Variants in TTC29 observed in about 807,000 individuals in gnomAD.
TTC29 encodes tetratricopeptide repeat protein 29.
Under a neutral mutation model 58.1 loss-of-function variants are expected in TTC29, and 49 were observed. The observed-to-expected ratio is 0.84, with a 90% CI of 0.67 to 1.07. TTC29 has a LOEUF of 1.07. Ranked by LOEUF, TTC29 falls within the 50% of genes least tolerant of loss-of-function variation. TTC29 has a pLI of 0.00. For missense variants in TTC29, 582 were observed against 555.6 expected, an observed-to-expected ratio of 1.05 and a Z score of -0.48; for synonymous variants, 209 against 196.8, an observed-to-expected ratio of 1.06 and a Z score of -0.52.
At chr4:146,919,124 C>G (rs1051722830) in intron 4 of TTC29, among the ~76,000 whole-genome samples, 2 of 150,922 alleles carry the variant, frequency 1.3e-5, no homozygotes, top group African/African-American at 4.8e-5. Flanking sequence ...AAATTTTAAG[C>G]CAAAGATTCC....
intron 11 of TTC29, among the ~76,000 whole-genome samples, chr4:146,777,471 A>G (rs1260105538): frequency 6.6e-6 from 1 of 152,066 alleles, no homozygotes; most frequent in Non-Finnish European, 1.5e-5. Context: ...AAAAATGTCT[A>G]TGTTCTAATA....
At chr4:146,707,372 G>A in intron 12 of TTC29, 113 bp downstream of exon 12, 1 of 820,390 alleles carries the variant, frequency 1.2e-6, no homozygotes, top group Non-Finnish European at 1.9e-6. Context: ...TCACTATTAA[G>A]GTTATCAAGT....
intron 4 of TTC29, among the ~76,000 whole-genome samples, chr4:146,930,183 G>C (rs1162494851): frequency 7.1e-6 from 1 of 140,608 alleles, no homozygotes; most frequent in East Asian, 2.1e-4. Context: ...TATTTTAAAT[G>C]GTCTCAGAGA....
At chr4:146,818,143 G>T (rs1751549809) in intron 10 of TTC29, among the ~76,000 whole-genome samples, 1 of 152,124 alleles carries the variant, frequency 6.6e-6, no homozygotes, top group African/African-American at 2.4e-5. Flanking sequence ...AGAGTGAACA[G>T]GCAACCTACA....
chr4:146,944,703 T>C (rs1367214546), intron 2 of TTC29, among the ~76,000 whole-genome samples: 2 of 152,164 alleles, frequency 1.3e-5, no homozygotes, highest in Non-Finnish European at 1.5e-5. Context: ...AAGTAGGATT[T>C]TACTAAAAAT....
chr4:146,874,135 A>T (rs1731104373), intron 7 of TTC29, among the ~76,000 whole-genome samples: 1 of 152,148 alleles, frequency 6.6e-6, no homozygotes, highest in Non-Finnish European at 1.5e-5. Context: ...GTGTGCATAT[A>T]CATCACCTGG....
intron 11 of TTC29, among the ~76,000 whole-genome samples, chr4:146,760,352 A>G (rs532208092): frequency 1.2e-4 from 19 of 152,072 alleles, no homozygotes; most frequent in African/African-American, 4.6e-4. Context: ...TGTGAAAATG[A>G]CCATAATGCC....
intron 11 of TTC29, among the ~76,000 whole-genome samples, chr4:146,756,220 C>T (rs961299470): frequency 6.8e-6 from 1 of 146,044 alleles, no homozygotes; most frequent in African/African-American, 2.6e-5. Flanking sequence ...TTGCAGTGAG[C>T]AGATTGTACC....
intron 11 of TTC29, among the ~76,000 whole-genome samples, chr4:146,717,537 CA>C (rs1466921805): frequency 6.6e-6 from 1 of 152,136 alleles, no homozygotes; most frequent in Non-Finnish European, 1.5e-5. Context: ...CTCAGCCTCC[CA>C]AAGTGCTGGG....
At chr4:146,778,128 T>C (rs1748249620) in intron 11 of TTC29, among the ~76,000 whole-genome samples, 1 of 148,310 alleles carries the variant, frequency 6.7e-6, no homozygotes, top group South Asian at 2.1e-4. Flanking sequence ...CTTTGTGCTC[T>C]ATTTTATTTA....
At chr4:146,917,339 CAT>C (rs1734289058) in intron 4 of TTC29, among the ~76,000 whole-genome samples, 1 of 147,868 alleles carries the variant, frequency 6.8e-6, no homozygotes, top group South Asian at 2.1e-4. Flanking sequence ...TATAATTTAA[CAT>C]ATTTTAATTA....
intron 4 of TTC29, among the ~76,000 whole-genome samples, chr4:146,910,089 A>T (rs1733796438): frequency 1.3e-5 from 2 of 152,264 alleles, no homozygotes; most frequent in South Asian, 4.1e-4. Flanking sequence ...ATATAGCTTT[A>T]TACTAATTAT....
chr4:146,819,921 T>C (rs1751698603), intron 10 of TTC29, among the ~76,000 whole-genome samples: 1 of 152,152 alleles, frequency 6.6e-6, no homozygotes, highest in Non-Finnish European at 1.5e-5. Context: ...CGCATGGCCC[T>C]AAGATATTGG....
chr4:146,908,286 T>C (rs1398846533), intron 5 of TTC29, among the ~76,000 whole-genome samples: 1 of 152,208 alleles, frequency 6.6e-6, no homozygotes, highest in Non-Finnish European at 1.5e-5. Context: ...CAAATTTACA[T>C]GCCAAATTCT....
At chr4:146,859,761 G>C (rs1017020345) in intron 8 of TTC29, among the ~76,000 whole-genome samples, 5 of 152,032 alleles carry the variant, frequency 3.3e-5, no homozygotes, top group Non-Finnish European at 7.4e-5. Flanking sequence ...TAAAGATATG[G>C]GCTTCTGAAT....
intron 8 of TTC29, among the ~76,000 whole-genome samples, chr4:146,838,568 A>C (rs1728656648): frequency 6.6e-6 from 1 of 151,986 alleles, no homozygotes; most frequent in African/African-American, 2.4e-5. Flanking sequence ...TCAAGCACCC[A>C]GTTGTCTTTT....
chr4:146,788,804 AG>A (rs1749229242), intron 11 of TTC29, among the ~76,000 whole-genome samples: 1 of 152,182 alleles, frequency 6.6e-6, no homozygotes, highest in Non-Finnish European at 1.5e-5. Flanking sequence ...CATCGAAGGT[AG>A]GTTTCTTGGG....
intron 11 of TTC29, among the ~76,000 whole-genome samples, chr4:146,797,911 T>C (rs1376663048): frequency 6.7e-6 from 1 of 149,878 alleles, no homozygotes; most frequent in Non-Finnish European, 1.5e-5. Flanking sequence ...TTCAATCATA[T>C]ATTAGGCTTC....
chr4:146,797,508 CT>C (rs1197495168), intron 11 of TTC29, among the ~76,000 whole-genome samples: 2 of 151,938 alleles, frequency 1.3e-5, no homozygotes, highest in Non-Finnish European at 2.9e-5. Flanking sequence ...GATATTTTCA[CT>C]GAGTATACAA....
Sources: gnomAD v4.1 joint callset for allele counts (sites outside exome capture counted in the v4.1 genomes callset) on GRCh38, gnomAD v4.1.1 for gene constraint, MANE v1.5 for transcripts, NCBI Gene and HGNC (gene_info 2026-07-23, HGNC 2026-07-21) for gene names.